MYCBP2: variants seen among roughly 807,000 people sequenced by gnomAD.
MYCBP2 encodes MYC binding protein 2.
A neutral mutation model predicts 525.3 loss-of-function variants in MYCBP2; 120 were observed. The ratio of observed to expected loss-of-function variants is 0.23; its 90% confidence interval spans 0.20 to 0.27. The LOEUF is 0.27. Ranked by LOEUF, MYCBP2 falls within the 10% of genes least tolerant of loss-of-function variation. The pLI, the probability that MYCBP2 is intolerant of heterozygous loss-of-function variation, is 1.00. For missense variants in MYCBP2, 4,149 were observed against 5,657.1 expected (o/e 0.73, Z 8.55); for synonymous variants, 1,894 against 1,955.8 (o/e 0.97, Z 0.83).
Position 77,262,033 on chromosome 13 carries a change from A to T in MYCBP2, c.1647+20T>A, listed in dbSNP as rs1362385798. 3.1e-6 allele frequency: 5 copies of T among 1,597,316 alleles called. 1 individual carries two copies. The South Asian group carries it at 5.6e-5, about 18-fold the overall frequency. On this transcript the variant is annotated intron_variant, in intron 11 of 82. Coordinates refer to ENST00000544440, the MANE Select transcript of MYCBP2 (RefSeq NM_015057.5). ...TTAAATCAGAGAATGCTCATTTTTA[A>T]TCCAAAGAGAATAATTTACCTTTCC...
chr13:77,147,497 G>A (rs2055790326), intron 47 of MYCBP2, among the ~76,000 whole-genome samples: 2 of 152,044 alleles, frequency 1.3e-5, no homozygotes, highest in Admixed American at 6.6e-5. Flanking sequence ...ATGTCCAACT[G>A]CTCATCTACT....
chr13:77,221,103 G>T (rs1684127503), intron 20 of MYCBP2, among the ~76,000 whole-genome samples: 1 of 152,148 alleles, frequency 6.6e-6, no homozygotes, highest in African/African-American at 2.4e-5. Context: ...CGATGACTAT[G>T]TAGCATCTAC....
At chr13:77,221,761 A>C (rs2065614758) in intron 20 of MYCBP2, among the ~76,000 whole-genome samples, 2 of 152,256 alleles carry the variant, frequency 1.3e-5, no homozygotes, top group South Asian at 2.1e-4. Flanking sequence ...TGAGAAACAG[A>C]ACAAAAAGTT....
intron 71 of MYCBP2, among the ~76,000 whole-genome samples, chr13:77,067,030 A>G (rs902714429): frequency 1.3e-5 from 2 of 152,158 alleles, no homozygotes; most frequent in East Asian, 1.9e-4. Context: ...TTATTTCCCT[A>G]TATTTTAAAA....
rs2075902774 is a variant in MYCBP2, at chr13:77,278,923, GA to G, written c.595-13del. 4 of 1,537,638 alleles carry G rather than the reference GA, an allele frequency of 2.6e-6. No homozygotes were observed. The African/African-American group carries it at 4.2e-5, about 16-fold the overall frequency. On this transcript the variant is annotated splice_polypyrimidine_tract_variant and intron_variant, in intron 3 of 82. Transcript: ENST00000544440. ...CCAACCTCAATAATCTATTTAAAAG[GA>G]AAAAATATATATACTTTATGACATG...
intron 59 of MYCBP2, chr13:77,092,564 A>G (rs2045613197): frequency 6.6e-6 from 1 of 152,014 alleles, no homozygotes; most frequent in Non-Finnish European, 1.5e-5. Flanking sequence ...AGCTGGGATT[A>G]CAGGTGTGTG....
intron 20 of MYCBP2, among the ~76,000 whole-genome samples, chr13:77,219,613 T>C (rs2065271699): frequency 6.6e-6 from 1 of 152,070 alleles, no homozygotes; most frequent in African/African-American, 2.4e-5. Flanking sequence ...AACAGGTTCC[T>C]CTTTAACTGT....
chr13:77,083,823 T>C (rs1594362771), intron 62 of MYCBP2, among the ~76,000 whole-genome samples: 1 of 152,174 alleles, frequency 6.6e-6, no homozygotes, highest in East Asian at 1.9e-4. Flanking sequence ...AAAAATACCA[T>C]AAAAAGTCTC....
chr13:77,190,348 AAC>A lies in MYCBP2; in HGVS notation c.4071-15_4071-14del, dbSNP rs758602780. On this transcript the variant is annotated splice_polypyrimidine_tract_variant and intron_variant, in intron 28 of 82. Coordinates refer to ENST00000544440, the MANE Select transcript of MYCBP2 (RefSeq NM_015057.5). ...CTGGAAAACAACCCTAAGAAGAGAA[AAC>A]AATGATACCAAAAACAACATGATCA... is the stretch of plus-strand genomic sequence containing the variant. The A allele has an allele frequency of 6.7e-7, 1 of 1,499,508 alleles. No homozygotes were observed. The allele number at this position is 1,499,508 out of a possible 1,614,324, so 92.9% of individuals were successfully genotyped here. A position where few individuals can be genotyped will look rare whatever the true frequency, so the allele number is the denominator to read the frequency against.
chr13:77,206,562 C>G lies in MYCBP2; in HGVS notation c.3589+91G>C, dbSNP rs888480495. ...CATTATTATTATTTAACAAACAAGA[C>G]AGAATTACATATAAATTTAAATACT... On this transcript the variant is annotated intron_variant, in intron 24 of 82. Coordinates refer to ENST00000544440, the MANE Select transcript of MYCBP2 (RefSeq NM_015057.5). 4.4e-6 allele frequency: 5 copies of G among 1,148,294 alleles called. No homozygotes were observed. The African/African-American group carries it at 4.7e-5, about 11-fold the overall frequency. The allele number at this position is 1,148,294 out of a possible 1,614,324, so 71.1% of individuals were successfully genotyped here.
intron 1 of MYCBP2, among the ~76,000 whole-genome samples, chr13:77,303,770 T>TG (rs988037328): frequency 2.8e-4 from 25 of 88,704 alleles, no homozygotes; most frequent in African/African-American, 6.4e-4. Flanking sequence ...ATGCATATAC[T>TG]GAAAAAAAAA....
intron 3 of MYCBP2, among the ~76,000 whole-genome samples, chr13:77,287,164 G>C (rs1245947812): frequency 6.6e-6 from 1 of 150,728 alleles, no homozygotes; most frequent in East Asian, 2.0e-4. Flanking sequence ...TGGGATTACA[G>C]GCGTGAGCCA....
chr13:77,247,235 T>A (rs764220513), intron 15 of MYCBP2, among the ~76,000 whole-genome samples: 1 of 151,770 alleles, frequency 6.6e-6, no homozygotes, highest in Non-Finnish European at 1.5e-5. Context: ...AAAAAACCAA[T>A]AGAGAAAATG....
Position 77,131,506 on chromosome 13 carries a change from ACAC to A in MYCBP2, c.7660-4967_7660-4965del, listed in dbSNP as rs2052797798. On this transcript the variant is annotated intron_variant, in intron 52 of 82. Coordinates refer to ENST00000544440, the MANE Select transcript of MYCBP2 (RefSeq NM_015057.5). ...ATCTCAAACACACACACACACACAC[ACAC>A]ACAAACAAACACACACACACACACA... is the stretch of plus-strand genomic sequence containing the variant. Among the ~76,000 whole-genome samples the A allele has an allele frequency of 8.1e-5, 7 of 86,240 alleles. No homozygotes were observed. The East Asian group carries it at 1.6e-3, about 19-fold the overall frequency. 56.6% of individuals were successfully genotyped at this position (86,240 alleles called of 152,430 possible).
At position 77,220,838 on chromosome 13, in the gene MYCBP2, T is replaced by A. The variant is rs2065445072; in HGVS notation, c.2940-2881A>T. Among the ~76,000 whole-genome samples the A allele has an allele frequency of 2.0e-5, 3 of 152,112 alleles. No individual in the cohort carries two copies. The South Asian group carries it at 6.2e-4, about 32-fold the overall frequency. On this transcript the variant is annotated intron_variant, in intron 20 of 82. Coordinates refer to ENST00000544440, the MANE Select transcript of MYCBP2 (RefSeq NM_015057.5). Reference sequence around the variant, plus strand: ...AACTGAGTGCTTAAGACTGAAGCGGTCTTGATGAATATCTAATCCACTAGG... The same window carrying A: ...AACTGAGTGCTTAAGACTGAAGCGGACTTGATGAATATCTAATCCACTAGG...
In MYCBP2 at chr13:77,288,215, T is replaced by C; in HGVS notation, c.540A>G (p.Glu180=). 1.9e-6 allele frequency: 3 copies of C among 1,614,220 alleles called. No homozygotes were observed. Among genetic ancestry groups the C allele is most frequent in the Non-Finnish European group, 2.5e-6 (3 of 1,180,036 alleles). ...ATTCCTCTTCTTCATCACTATCTGA[T>C]TCTCCACTCTGCACAGAGTTCTTAG... is the stretch of plus-strand genomic sequence containing the variant. ...AASKNSVQSG[E]SDSDEEEESK... is the part of the protein sequence containing the mutation. The change falls in exon 3 of 83, where the codon GAA becomes GAG. Residue 180 remains glutamate (E), a synonymous_variant. Coordinates refer to ENST00000544440, the MANE Select transcript of MYCBP2 (RefSeq NM_015057.5).
At chr13:77,212,280 G>T in intron 21 of MYCBP2, 120 bp from the exon 22 acceptor site, 2 of 789,222 alleles carry the variant, frequency 2.5e-6, no homozygotes, top group South Asian at 2.8e-5. Flanking sequence ...CCAATTGTTA[G>T]TTTGGGTTTT....
chr13:77,195,072 G>A (rs1401445589), intron 26 of MYCBP2, among the ~76,000 whole-genome samples: 1 of 151,814 alleles, frequency 6.6e-6, no homozygotes, highest in East Asian at 1.9e-4. Context: ...TATGGAAGGT[G>A]AATTGCAAGA....
chr13:77,262,177 T>A, intron 10 of MYCBP2, 48 bp from the exon 11 acceptor site: 2 of 1,462,294 alleles, frequency 1.4e-6, no homozygotes, highest in Non-Finnish European at 1.9e-6. Flanking sequence ...ATATGAAGAA[T>A]TCTAAATACA....
Sources: allele counts gnomAD v4.1 joint callset (sites outside exome capture counted in the v4.1 genomes callset), GRCh38; gene constraint gnomAD v4.1.1; transcripts MANE v1.5; gene names NCBI Gene and HGNC (gene_info 2026-07-23, HGNC 2026-07-21).